SNU13: variants seen among roughly 807,000 people sequenced by gnomAD.
The protein encoded by SNU13 is NHP2-like protein 1.
Under a neutral mutation model 12.4 loss-of-function variants are expected in SNU13, and 2 were observed. The ratio of observed to expected loss-of-function variants is 0.16; its 90% CI spans 0.07 to 0.51. The LOEUF is 0.51. Among genes scored for constraint, SNU13 ranks in the 20% least tolerant of loss-of-function variants. The probability of loss-of-function intolerance (pLI) is 0.96; values close to 1 mark genes in which losing one functional copy is unlikely to be tolerated. For synonymous variants in SNU13, 68 were observed against 66.5 expected, an observed-to-expected ratio of 1.02 and a Z score of -0.11; for missense variants, 66 against 157.8, an observed-to-expected ratio of 0.42 and a Z score of 3.12.
At chr22:41,688,173 C>T (rs952704609) in intron 1 of SNU13, 2 of 152,252 alleles carry the variant, frequency 1.3e-5, no homozygotes, top group Non-Finnish European at 2.9e-5. Flanking sequence ...TTTTTGAAGC[C>T]ACCGCCTTGC....
At chr22:41,682,360 G>A in intron 1 of SNU13, 1 of 1,613,974 alleles carries the variant, frequency 6.2e-7, no homozygotes. Context: ...ACTCACCATA[G>A]CGTCTGTCTT....
intron 2 of SNU13, among the ~76,000 whole-genome samples, 185 bp downstream of exon 2, chr22:41,680,059 G>A (rs2068249261): frequency 6.6e-6 from 1 of 152,142 alleles, no homozygotes; most frequent in African/African-American, 2.4e-5. Context: ...GTGGCAAAAT[G>A]TTAACAATTG....
At chr22:41,689,100 G>A, upstream of SNU13, 1 of 1,120,332 alleles carries the variant, frequency 8.9e-7, no homozygotes, top group Admixed American at 4.7e-5. Context: ...AGCGGCTTAT[G>A]GCTGTAATCC....
intron 1 of SNU13, among the ~76,000 whole-genome samples, chr22:41,683,302 A>G (rs936071073): frequency 6.6e-6 from 1 of 151,680 alleles, no homozygotes; most frequent in Non-Finnish European, 1.5e-5. Context: ...GCCTGGCCTT[A>G]TTTTTTCGAT....
chr22:41,682,241 C>T, intron 1 of SNU13: 2 of 1,149,416 alleles, frequency 1.7e-6, no homozygotes, highest in South Asian at 1.2e-5. Context: ...CACCGCGCAC[C>T]TGCCTTTTCC....
intron 1 of SNU13, 55 bp downstream of exon 1, chr22:41,688,739 G>T: frequency 6.3e-7 from 1 of 1,593,338 alleles, no homozygotes; most frequent in South Asian, 1.1e-5. Context: ...GCTAGGGAGT[G>T]AACGCAACCC....
intron 1 of SNU13, among the ~76,000 whole-genome samples, chr22:41,683,826 G>A (rs1246800411): frequency 6.6e-6 from 1 of 152,074 alleles, no homozygotes; most frequent in Non-Finnish European, 1.5e-5. Flanking sequence ...CGTTGCCTGG[G>A]GTAAATATCC....
chr22:41,686,380 C>T (rs1156692053), intron 1 of SNU13, among the ~76,000 whole-genome samples: 1 of 151,614 alleles, frequency 6.6e-6, no homozygotes, highest in Admixed American at 6.6e-5. Flanking sequence ...TCTCGGCTCA[C>T]CGAAACCTCT....
upstream of SNU13, chr22:41,690,477 A>T: frequency 1.3e-6 from 1 of 747,154 alleles, no homozygotes; most frequent in Non-Finnish European, 2.4e-6. Flanking sequence ...CCAGGGTCAG[A>T]GTTGAGGCTG....
intron 2 of SNU13, among the ~76,000 whole-genome samples, chr22:41,675,756 T>TTTTTC: frequency 6.7e-6 from 1 of 149,766 alleles, no homozygotes; most frequent in Non-Finnish European, 1.5e-5. Flanking sequence ...TTTTTTTTTT[T>TTTTTC]TTTTCTTTTT....
Position 41,687,437 on chromosome 22 carries a change from T to G in SNU13, c.3+1357A>C, listed in dbSNP as rs146786867. On this transcript the variant is annotated intron_variant, in intron 1 of 2. Coordinates refer to ENST00000401959, the MANE Select transcript of SNU13 (RefSeq NM_001003796.2). The stretch of plus-strand genomic sequence containing the variant: ...CATCAAATTCATAAAAGAGGAAGAC[T>G]TCAGGAATCTGAACAATCATTAAAT... Among the ~76,000 whole-genome samples the G allele has an allele frequency of 8.2e-3, 1,243 of 152,318 alleles. 6 individuals are homozygous for G. The highest frequency in any genetic ancestry group is 0.013 in the Non-Finnish European group (912 of 68,028).
intron 1 of SNU13, among the ~76,000 whole-genome samples, chr22:41,685,116 CT>C (rs1452096050): frequency 6.9e-6 from 1 of 143,898 alleles, no homozygotes; most frequent in Non-Finnish European, 1.5e-5. Flanking sequence ...GATGATGCCA[CT>C]TCACTCCAGC....
chr22:41,687,149 G>C (rs1274429438), intron 1 of SNU13, among the ~76,000 whole-genome samples: 2 of 150,574 alleles, frequency 1.3e-5, no homozygotes, highest in Non-Finnish European at 3.0e-5. Context: ...AGTAGAAACA[G>C]GGTTTCACTA....
At chr22:41,676,852 G>C (rs996410642) in intron 2 of SNU13, among the ~76,000 whole-genome samples, 3 of 151,898 alleles carry the variant, frequency 2.0e-5, no homozygotes, top group African/African-American at 7.3e-5. Context: ...ATCCATATTG[G>C]GTACTGTCCA....
intron 1 of SNU13, chr22:41,688,146 T>C (rs994761885): frequency 6.6e-6 from 1 of 152,236 alleles, no homozygotes; most frequent in Non-Finnish European, 1.5e-5. Context: ...CCGCACGTGG[T>C]GCTACCAGAC....
At chr22:41,687,419 T>C (rs1215553096) in intron 1 of SNU13, among the ~76,000 whole-genome samples, 1 of 152,146 alleles carries the variant, frequency 6.6e-6, no homozygotes, top group South Asian at 2.1e-4. Flanking sequence ...AAACATCAAA[T>C]TCATAAAAGA....
chr22:41,676,453 T>C (rs1303246288), intron 2 of SNU13, among the ~76,000 whole-genome samples: 1 of 152,146 alleles, frequency 6.6e-6, no homozygotes, highest in Non-Finnish European at 1.5e-5. Flanking sequence ...CCCTTACTTT[T>C]ATCATCTATA....
chr22:41,688,835 C>CAG lies in SNU13; in HGVS notation c.-41_-40dup. 6.4e-7 allele frequency: 1 copy of CAG among 1,568,780 alleles called. No individual in the cohort carries two copies. The highest frequency in any genetic ancestry group is 8.7e-7 in the Non-Finnish European group (1 of 1,148,630). ...CGGGCTCAGCACTCCTAGGGGAGCG[C>CAG]AGCTGACGTTTCAGAAGCACTCGCG... On this transcript the variant is annotated 5_prime_UTR_variant, in exon 1 of 3. Coordinates refer to ENST00000401959, the MANE Select transcript of SNU13 (RefSeq NM_001003796.2).
At chr22:41,689,113 G>T, upstream of SNU13, 2 of 1,093,580 alleles carry the variant, frequency 1.8e-6, no homozygotes, top group Non-Finnish European at 2.2e-6. Flanking sequence ...TGTAATCCCG[G>T]CACTTTGGGA....
Sources: gnomAD v4.1 joint callset for allele counts (sites outside exome capture counted in the v4.1 genomes callset) on GRCh38, gnomAD v4.1.1 for gene constraint, MANE v1.5 for transcripts, NCBI Gene and HGNC (gene_info 2026-07-23, HGNC 2026-07-21) for gene names.